The following RIT2 variants were observed in gnomAD, a reference collection of about 807,000 sequenced individuals.
RIT2 encodes Ras like without CAAX 2.
A neutral mutation model predicts 23.7 loss-of-function variants in RIT2; 24 were observed. That is an observed-to-expected ratio of 1.01 (90% CI 0.73 to 1.43). RIT2 has a LOEUF of 1.43. Among genes scored for constraint, RIT2 ranks in the 40% most tolerant of loss-of-function variants. The pLI is 0.00. For synonymous variants in RIT2, 107 were observed against 91.1 expected, an observed-to-expected ratio of 1.17 and a Z score of -0.99; for missense variants, 236 against 266.9, an observed-to-expected ratio of 0.88 and a Z score of 0.81.
intron 2 of RIT2, among the ~76,000 whole-genome samples, chr18:43,001,200 C>T (rs7506712): frequency 0.12 from 18,441 of 151,778 alleles, 1,233 homozygotes; most frequent in African/African-American, 0.15. Context: ...AGCCTTGCTA[C>T]AGAAGAGAAA....
intron 1 of RIT2, among the ~76,000 whole-genome samples, chr18:43,089,588 AAT>A (rs1491269504): frequency 6.7e-6 from 1 of 150,114 alleles, no homozygotes; most frequent in African/African-American, 2.5e-5. Context: ...AGCAAAAAAA[AAT>A]AAAAAAAAAA....
chr18:42,842,382 G>A (rs983794214), intron 4 of RIT2, among the ~76,000 whole-genome samples: 1 of 152,044 alleles, frequency 6.6e-6, no homozygotes, highest in African/African-American at 2.4e-5. Context: ...GAAATAGATG[G>A]TGCAAATGTA....
At chr18:42,942,429 CT>C (rs1909626036) in intron 3 of RIT2, among the ~76,000 whole-genome samples, 1 of 152,136 alleles carries the variant, frequency 6.6e-6, no homozygotes, top group Non-Finnish European at 1.5e-5. Flanking sequence ...ATTAAATCAA[CT>C]TTCACAGCTA....
intron 2 of RIT2, among the ~76,000 whole-genome samples, chr18:43,023,615 C>A (rs1233671498): frequency 6.6e-6 from 1 of 152,154 alleles, no homozygotes; most frequent in Admixed American, 6.5e-5. Context: ...TTAAATTTTT[C>A]AAGGTTGAAG....
At chr18:42,847,072 A>C (rs1294105128) in intron 4 of RIT2, among the ~76,000 whole-genome samples, 1 of 152,100 alleles carries the variant, frequency 6.6e-6, no homozygotes, top group East Asian at 1.9e-4. Context: ...AATTACTATC[A>C]TTTGCCATGC....
intron 4 of RIT2, among the ~76,000 whole-genome samples, chr18:42,765,660 G>A (rs144719687): frequency 3.9e-5 from 6 of 152,234 alleles, no homozygotes; most frequent in South Asian, 2.1e-4. Flanking sequence ...TTAGACTAAC[G>A]GGAAAGACTA....
At chr18:42,989,932 TAAGA>T (rs1367103686) in intron 2 of RIT2, among the ~76,000 whole-genome samples, 1 of 151,872 alleles carries the variant, frequency 6.6e-6, no homozygotes, top group Non-Finnish European at 1.5e-5. Context: ...ACAGAACAAG[TAAGA>T]TAGATATATG....
At chr18:42,873,628 T>A (rs970985488) in intron 4 of RIT2, among the ~76,000 whole-genome samples, 3 of 152,026 alleles carry the variant, frequency 2.0e-5, no homozygotes, top group Admixed American at 1.3e-4. Context: ...TTTTTAATTT[T>A]AAAAAAAGAT....
chr18:42,990,517 T>A (rs1456413788), intron 2 of RIT2, among the ~76,000 whole-genome samples: 1 of 152,202 alleles, frequency 6.6e-6, no homozygotes, highest in African/African-American at 2.4e-5. Flanking sequence ...CACTCCCTAT[T>A]GAACTTCTAC....
At chr18:42,983,314 A>G (rs1910638559) in intron 2 of RIT2, among the ~76,000 whole-genome samples, 1 of 152,082 alleles carries the variant, frequency 6.6e-6, no homozygotes, top group Non-Finnish European at 1.5e-5. Flanking sequence ...CCCATTGGCA[A>G]AACAAAAAAT....
chr18:42,831,788 C>T (rs1054534443), intron 4 of RIT2, among the ~76,000 whole-genome samples: 1 of 152,138 alleles, frequency 6.6e-6, no homozygotes, highest in East Asian at 1.9e-4. Flanking sequence ...TATTGTCTCT[C>T]CCCCACTCCC....
At chr18:42,917,313 G>C (rs554378992) in intron 4 of RIT2, among the ~76,000 whole-genome samples, 1 of 152,200 alleles carries the variant, frequency 6.6e-6, no homozygotes, top group South Asian at 2.1e-4. Context: ...TCTTAAAAAT[G>C]TCATGAGGAC....
chr18:42,799,364 A>G (rs544194739), intron 4 of RIT2, among the ~76,000 whole-genome samples: 1 of 152,348 alleles, frequency 6.6e-6, no homozygotes, highest in Non-Finnish European at 1.5e-5. Flanking sequence ...TGCATTTCTC[A>G]TAAATAATCA....
intron 1 of RIT2, among the ~76,000 whole-genome samples, chr18:43,111,531 G>A (rs1194952248): frequency 1.3e-5 from 2 of 152,134 alleles, no homozygotes; most frequent in Admixed American, 1.3e-4. Flanking sequence ...TACACTGTAT[G>A]CCTGTATCCA....
At chr18:42,970,443 G>T (rs1910335949) in intron 3 of RIT2, among the ~76,000 whole-genome samples, 1 of 151,966 alleles carries the variant, frequency 6.6e-6, no homozygotes, top group African/African-American at 2.4e-5. Context: ...GATGCCATGG[G>T]ATTATTGTGG....
chr18:42,927,968 T>G lies in RIT2; in HGVS notation c.235-4205A>C, dbSNP rs563411314. Among the ~76,000 whole-genome samples, 14 of 152,084 alleles carry G rather than the reference T, an allele frequency of 9.2e-5. No homozygotes were observed. In the East Asian group the frequency reaches 2.7e-3, roughly 29 times the overall value. On this transcript the variant is annotated intron_variant, in intron 3 of 4. Transcript: ENST00000326695. The stretch of plus-strand genomic sequence containing the variant: ...GAACTAGACCAGCTCCCCGTTGCAT[T>G]CAAGTAGCAGTACTACAAAGATATG...
chr18:42,971,160 C>A (rs1910352921), intron 3 of RIT2, among the ~76,000 whole-genome samples: 1 of 151,900 alleles, frequency 6.6e-6, no homozygotes, highest in Admixed American at 6.6e-5. Context: ...ATTAATAGTA[C>A]CAAAAGACAA....
intron 3 of RIT2, among the ~76,000 whole-genome samples, chr18:42,942,310 A>T (rs992746026): frequency 6.6e-6 from 1 of 152,034 alleles, no homozygotes; most frequent in African/African-American, 2.4e-5. Context: ...AAATTAATTG[A>T]AGGCTTGCAT....
At chr18:42,840,627 G>C (rs537506843) in intron 4 of RIT2, among the ~76,000 whole-genome samples, 4 of 152,038 alleles carry the variant, frequency 2.6e-5, no homozygotes, top group African/African-American at 9.7e-5. Context: ...TCAGCCTCCC[G>C]AGTAGCTGGG....
Sources: allele counts gnomAD v4.1 joint callset (sites outside exome capture counted in the v4.1 genomes callset), GRCh38; gene constraint gnomAD v4.1.1; transcripts MANE v1.5; gene names NCBI Gene and HGNC (gene_info 2026-07-23, HGNC 2026-07-21).